GEMIN5: variants seen among roughly 807,000 people sequenced by gnomAD.
The protein encoded by GEMIN5 is gem nuclear organelle associated protein 5.
GEMIN5 carries 124 observed loss-of-function variants against 176.9 expected under a neutral mutation model. The observed-to-expected ratio is 0.70, with a 90% CI of 0.61 to 0.81. The LOEUF is 0.81. Ranked by LOEUF, GEMIN5 falls within the 40% of genes least tolerant of loss-of-function variation. The probability of loss-of-function intolerance (pLI) is 0.00; values close to 1 mark genes in which losing one functional copy is unlikely to be tolerated. For synonymous variants in GEMIN5, 673 were observed against 665.2 expected (o/e 1.01, Z -0.18); for missense variants, 1,843 against 1,814.6 (o/e 1.02, Z -0.28).
intron 21 of GEMIN5, among the ~76,000 whole-genome samples, chr5:154,900,319 T>G (rs1333003268): frequency 6.6e-6 from 1 of 152,186 alleles, no homozygotes; most frequent in East Asian, 1.9e-4. Flanking sequence ...GAAAAAAGTG[T>G]TTTATTAGAT....
At chr5:154,915,172 T>C (rs965780623) in intron 13 of GEMIN5, among the ~76,000 whole-genome samples, 18 of 152,322 alleles carry the variant, frequency 1.2e-4, no homozygotes, top group Middle Eastern at 6.8e-3. Flanking sequence ...GGAAAACACA[T>C]CTACATTTTA....
At position 154,898,619 on chromosome 5, in the gene GEMIN5, C is replaced by A. The variant is rs539799476; in HGVS notation, c.3166G>T (p.Ala1056Ser). The change falls in exon 23 of 28, where the codon GCC becomes TCC. Residue 1056 changes from alanine (A) to serine (S), a missense_variant. Ala to Ser is a moderately conservative substitution (Grantham distance 99). Coordinates refer to ENST00000285873, the MANE Select transcript of GEMIN5 (RefSeq NM_015465.5). ...TCCCCCTTTTTGGCCAAAACTTTGGCTGCATCATAAGCACAAGTGGCCCCT... is the reference window on the plus strand; with the variant it reads ...TCCCCCTTTTTGGCCAAAACTTTGGATGCATCATAAGCACAAGTGGCCCCT... Reference protein sequence around the residue: ...YLGATCAYDAAKVLAKKGDAA... With the variant: ...YLGATCAYDASKVLAKKGDAA... The A allele has an allele frequency of 2.5e-6, 4 of 1,613,784 alleles. No homozygotes were observed. The African/African-American group carries it at 4.0e-5, about 16-fold the overall frequency.
rs2113497043 is a variant in GEMIN5 at position 154,921,425 on chromosome 5, C to A, written c.1380G>T (p.Lys460Asn). The A allele has an allele frequency of 7.3e-7, 1 of 1,377,652 alleles. No homozygotes were observed. Among genetic ancestry groups the A allele is most frequent in the Non-Finnish European group, 1.0e-6 (1 of 991,066 alleles). The allele number at this position is 1,377,652 out of a possible 1,614,324, so 85.3% of individuals were successfully genotyped here. Residue 460 changes from lysine to asparagine, a missense_variant and splice_region_variant, in exon 10 of 28, where the codon AAG (lysine) becomes AAT (asparagine). Lys to Asn is a moderately conservative substitution (Grantham distance 94). Coordinates refer to ENST00000285873, the MANE Select transcript of GEMIN5 (RefSeq NM_015465.5). ...GATATGTGCTAGAAATCTGTGGAGG[C>A]CTTTAGAAGAGCAGGGAGAGAGAAC... is the stretch of plus-strand genomic sequence containing the variant. ...KVGLYDTYSN[K>N]PPQISSTYHK...
At chr5:154,916,016 G>A (rs559064018) in intron 13 of GEMIN5, among the ~76,000 whole-genome samples, 2 of 152,074 alleles carry the variant, frequency 1.3e-5, no homozygotes, top group South Asian at 2.1e-4. Context: ...ATTATGGTAA[G>A]CCCATATAAT....
At chr5:154,912,468 C>T (rs1763721368) in intron 14 of GEMIN5, among the ~76,000 whole-genome samples, 1 of 152,200 alleles carries the variant, frequency 6.6e-6, no homozygotes, top group Admixed American at 6.5e-5. Flanking sequence ...CAAGTCCTCC[C>T]TCATAGATCT....
chr5:154,921,360 A>C lies in GEMIN5; in HGVS notation c.1445T>G (p.Val482Gly). 7.1e-7 allele frequency: 1 copy of C among 1,405,622 alleles called. No individual in the cohort carries two copies. The highest frequency in any genetic ancestry group is 1.0e-6 in the Non-Finnish European group (1 of 996,588). 87.1% of individuals were successfully genotyped at this position (1,405,622 alleles called of 1,614,324 possible). A position where few individuals can be genotyped will look rare whatever the true frequency, so the allele number is the denominator to read the frequency against. ...TVYTLAWGPP[V>G]PPMSLGGEGD... The stretch of plus-strand genomic sequence containing the variant: ...ATACTTACCAAGTGACATGGGGGGT[A>C]CTGGTGGCCCCCAGGCTAAAGTATA... Residue 482 changes from valine (V) to glycine (G), a missense_variant, in exon 10 of 28, where the codon GTA becomes GGA. Transcript: ENST00000285873.
intron 15 of GEMIN5, among the ~76,000 whole-genome samples, chr5:154,909,248 G>C (rs911705524): frequency 2.0e-5 from 3 of 150,240 alleles, no homozygotes; most frequent in African/African-American, 7.4e-5. Flanking sequence ...GATTACAGGC[G>C]TGAGCTACTG....
At position 154,899,135 on chromosome 5, in the gene GEMIN5, C is replaced by T; in HGVS notation, c.3134+56G>A. 2.0e-6 allele frequency: 3 copies of T among 1,533,966 alleles called. No homozygotes were observed. In the South Asian group the frequency reaches 3.8e-5, roughly 19 times the overall value. ...CTTATTACTTGTATTCTTGTCCTCCCCTTCCTGGCAGAAGCTCTCCTATGT... is the reference window on the plus strand; with the variant it reads ...CTTATTACTTGTATTCTTGTCCTCCTCTTCCTGGCAGAAGCTCTCCTATGT... On this transcript the variant is annotated intron_variant, in intron 22 of 27. Coordinates refer to ENST00000285873, the MANE Select transcript of GEMIN5 (RefSeq NM_015465.5).
intron 26 of GEMIN5, 96 bp downstream of exon 26, chr5:154,891,145 T>G: frequency 8.5e-7 from 1 of 1,177,068 alleles, no homozygotes; most frequent in Non-Finnish European, 1.2e-6. Context: ...TCCTCCTGCT[T>G]CAGCCTCCCA....
chr5:154,929,246 G>A (rs888489325), intron 5 of GEMIN5, among the ~76,000 whole-genome samples: 11 of 152,034 alleles, frequency 7.2e-5, no homozygotes, highest in South Asian at 2.1e-4. Flanking sequence ...GTATTTTTTC[G>A]TCTGGGAAAA....
intron 5 of GEMIN5, 31 bp from the exon 6 acceptor site, chr5:154,928,690 T>C: frequency 6.2e-7 from 1 of 1,610,314 alleles, no homozygotes; most frequent in Non-Finnish European, 8.5e-7. Context: ...CAGTGGGCAC[T>C]CAAGACAGTG....
chr5:154,892,356 G>A, intron 25 of GEMIN5, 31 bp downstream of exon 25: 2 of 1,580,784 alleles, frequency 1.3e-6, no homozygotes, highest in Non-Finnish European at 8.7e-7. Context: ...TCCATTAAAG[G>A]GTGTGCCTCA....
rs1763892143 is a variant in GEMIN5 at position 154,920,031 on chromosome 5, G to A, written c.1535C>T (p.Pro512Leu). 1 of 1,612,886 alleles carries A rather than the reference G, an allele frequency of 6.2e-7. No individual in the cohort carries two copies. ...AAAGGCTTCTCCACTAAGCTTCCAG[G>A]GATTATGCTGTAAGACAATCCCTTC... ...GGEGIVLQHNPWKLSGEAFDI... is the reference protein window; with the variant it reads ...GGEGIVLQHNLWKLSGEAFDI... Residue 512 changes from proline (P) to leucine (L), a missense_variant, in exon 11 of 28, where the codon CCC (proline) becomes CTC (leucine). Pro to Leu is a moderately conservative substitution (Grantham distance 98). Coordinates refer to ENST00000285873, the MANE Select transcript of GEMIN5 (RefSeq NM_015465.5).
chr5:154,937,530 C>A (rs1448159175), intron 1 of GEMIN5, among the ~76,000 whole-genome samples: 1 of 152,200 alleles, frequency 6.6e-6, no homozygotes, highest in Non-Finnish European at 1.5e-5. Context: ...TCCTAAGGCA[C>A]AATCAAAGCC....
Position 154,921,370 on chromosome 5 carries a change from C to A in GEMIN5, c.1435G>T (p.Gly479Trp). The A allele has an allele frequency of 6.8e-7, 1 of 1,476,676 alleles. No individual in the cohort carries two copies. The highest frequency in any genetic ancestry group is 9.4e-7 in the Non-Finnish European group (1 of 1,062,978). 91.5% of individuals were successfully genotyped at this position (1,476,676 alleles called of 1,614,324 possible). A position where few individuals can be genotyped will look rare whatever the true frequency, so the allele number is the denominator to read the frequency against. ...AGTGACATGGGGGGTACTGGTGGCC[C>A]CCAGGCTAAAGTATATACAGTCTTC... ...HKKTVYTLAW[G>W]PPVPPMSLGG... The change falls in exon 10 of 28, where the codon GGG becomes TGG. Residue 479 changes from glycine to tryptophan, a missense_variant. Gly to Trp is a radical substitution (Grantham distance 184). Coordinates refer to ENST00000285873, the MANE Select transcript of GEMIN5 (RefSeq NM_015465.5).
chr5:154,931,485 G>A lies in GEMIN5; in HGVS notation c.754C>T (p.Arg252Ter), dbSNP rs780971096. Residue 252 changes from arginine to a stop codon, truncating the protein, a stop_gained, in exon 5 of 28, where the codon CGA becomes TGA. Coordinates refer to ENST00000285873, the MANE Select transcript of GEMIN5 (RefSeq NM_015465.5). LOFTEE classifies it high-confidence loss of function. ...CGGCCTCTAGAACAGCTCCAGATTC[G>A]AATGGTTTGATCTTTGCTTCCAGTG... ...LATGSKDQTI[R>*]IWSCSRGRGV... is the part of the protein sequence containing the mutation. 6.2e-7 allele frequency: 1 copy of A among 1,612,496 alleles called. No homozygotes were observed.
rs997135862 is a variant in GEMIN5, at chr5:154,930,545, A to G, written c.781+913T>C. Reference sequence around the variant, plus strand: ...GGATATGCTGACATACGGTACCAACATCAATGAACCTCGGGGATATATGCT... The same window carrying G: ...GGATATGCTGACATACGGTACCAACGTCAATGAACCTCGGGGATATATGCT... On this transcript the variant is annotated intron_variant, in intron 5 of 27. Transcript: ENST00000285873. 5.3e-5 allele frequency among the ~76,000 whole-genome samples: 8 copies of G among 152,272 alleles called. No individual in the cohort carries two copies. The South Asian group carries it at 1.0e-3, about 20-fold the overall frequency.
chr5:154,891,438 A>G lies in GEMIN5; in HGVS notation c.4065T>C (p.Thr1355=). Residue 1355 remains threonine (T), a synonymous_variant, in exon 26 of 28, where the codon ACT becomes ACC. Transcript: ENST00000285873. The part of the protein sequence containing the change: ...LTEEGERMLS[T]FKELFSEKHA... The stretch of plus-strand genomic sequence containing the variant: ...GCTTTTCTGAAAAGAGCTCCTTAAA[A>G]GTACTCAGCATTCGCTCACCTTCTT... 6.2e-7 allele frequency: 1 copy of G among 1,614,144 alleles called. No individual in the cohort carries two copies. The highest frequency in any genetic ancestry group is 8.5e-7 in the Non-Finnish European group (1 of 1,180,018).
At chr5:154,891,094 C>G (rs1390732434) in intron 26 of GEMIN5, 147 bp downstream of exon 26, 9 of 242,302 alleles carry the variant, frequency 3.7e-5, no homozygotes, top group Middle Eastern at 2.3e-3. Context: ...CAGGGTCTCG[C>G]TTTTTTGCCC....
Sources: gnomAD v4.1 joint callset for allele counts (sites outside exome capture counted in the v4.1 genomes callset) on GRCh38, gnomAD v4.1.1 for gene constraint, MANE v1.5 for transcripts, NCBI Gene and HGNC (gene_info 2026-07-23, HGNC 2026-07-21) for gene names.